The following ABTB2 variants were observed in gnomAD, a reference collection of about 807,000 sequenced individuals.
The protein encoded by ABTB2 is ankyrin repeat and BTB/POZ domain-containing protein 2.
Under a neutral mutation model 104.1 loss-of-function variants are expected in ABTB2, and 56 were observed. The observed-to-expected ratio is 0.54, with a 90% CI of 0.43 to 0.67. The LOEUF is 0.67. Among genes scored for constraint, ABTB2 ranks in the 30% least tolerant of loss-of-function variants. ABTB2 has a pLI of 0.00. For missense variants in ABTB2, 1,279 were observed against 1,407.7 expected (o/e 0.91, Z 1.46); for synonymous variants, 606 against 608.2 (o/e 1.00, Z 0.05).
In ABTB2 at chr11:34,195,745, G is replaced by A. The variant is rs116626484; in HGVS notation, c.1244+1580C>T. Among the ~76,000 whole-genome samples, 586 of 152,290 alleles carry A rather than the reference G, an allele frequency of 3.8e-3. 6 individuals carry two copies. Among genetic ancestry groups the A allele is most frequent in the Admixed American group, 0.024 (367 of 15,300 alleles). The stretch of plus-strand genomic sequence containing the variant: ...TAGTGTGTGAATTAACTGAGCATCC[G>A]CCTGCAAACTGCTCAGCACAGTGCC... On this transcript the variant is annotated intron_variant, in intron 3 of 16. Transcript: ENST00000435224.
Position 34,303,932 on chromosome 11 carries a change from C to T in ABTB2, c.883+52769G>A, listed in dbSNP as rs1007927399. ...TGCTGGGATTACAGGTGTAAGCCACCACGCCTGGCCTCAGCTATGGGTACT... is the reference window on the plus strand; with the variant it reads ...TGCTGGGATTACAGGTGTAAGCCACTACGCCTGGCCTCAGCTATGGGTACT... On this transcript the variant is annotated intron_variant, in intron 1 of 16. Transcript: ENST00000435224. Among the ~76,000 whole-genome samples the T allele has an allele frequency of 5.9e-5, 9 of 151,844 alleles. 1 individual carries two copies. The highest frequency in any genetic ancestry group is 5.9e-4 in the Admixed American group (9 of 15,260).
chr11:34,320,484 T>C (rs1416266551), intron 1 of ABTB2, among the ~76,000 whole-genome samples: 1 of 152,192 alleles, frequency 6.6e-6, no homozygotes, highest in African/African-American at 2.4e-5. Context: ...ACCATTTCAA[T>C]GCCTCCACAG....
chr11:34,282,174 A>T (rs931374483), intron 1 of ABTB2, among the ~76,000 whole-genome samples: 11 of 152,200 alleles, frequency 7.2e-5, no homozygotes, highest in Admixed American at 2.0e-4. Context: ...GAGCCGAAGC[A>T]GCTCTCTGGG....
At chr11:34,338,812 C>T (rs1026899227) in intron 1 of ABTB2, among the ~76,000 whole-genome samples, 2 of 152,142 alleles carry the variant, frequency 1.3e-5, no homozygotes, top group African/African-American at 2.4e-5. Context: ...TTATTTATTA[C>T]TATTACTTTT....
chr11:34,204,959 T>C (rs763871290), intron 1 of ABTB2, among the ~76,000 whole-genome samples: 31 of 152,226 alleles, frequency 2.0e-4, no homozygotes, highest in Non-Finnish European at 3.5e-4. Flanking sequence ...ACTGGCCTTC[T>C]TGGGCTCCTG....
chr11:34,181,156 G>T (rs1853020709), intron 3 of ABTB2, among the ~76,000 whole-genome samples: 1 of 152,184 alleles, frequency 6.6e-6, no homozygotes, highest in South Asian at 2.1e-4. Flanking sequence ...GCCTGCCTCG[G>T]CCTCCCAAAG....
At chr11:34,192,149 C>G (rs1590212269) in intron 3 of ABTB2, among the ~76,000 whole-genome samples, 1 of 152,132 alleles carries the variant, frequency 6.6e-6, no homozygotes, top group Non-Finnish European at 1.5e-5. Context: ...AAAAGTTAGC[C>G]AGGTGTGGTG....
At chr11:34,279,563 C>T (rs951290739) in intron 1 of ABTB2, among the ~76,000 whole-genome samples, 1 of 152,130 alleles carries the variant, frequency 6.6e-6, no homozygotes, top group Non-Finnish European at 1.5e-5. Context: ...CCTGAGCTTC[C>T]CCAACCTATC....
At chr11:34,275,846 C>A (rs968494412) in intron 1 of ABTB2, among the ~76,000 whole-genome samples, 2 of 152,158 alleles carry the variant, frequency 1.3e-5, no homozygotes, top group Non-Finnish European at 2.9e-5. Context: ...AGCACTTATA[C>A]CATTCTCATT....
At chr11:34,302,577 G>A (rs774893409) in intron 1 of ABTB2, among the ~76,000 whole-genome samples, 1 of 152,196 alleles carries the variant, frequency 6.6e-6, no homozygotes, top group Admixed American at 6.5e-5. Context: ...GTTGACCTGG[G>A]CCTGCTATTT....
intron 1 of ABTB2, among the ~76,000 whole-genome samples, chr11:34,240,119 AT>A (rs896594481): frequency 6.6e-6 from 1 of 152,096 alleles, no homozygotes; most frequent in African/African-American, 2.4e-5. Flanking sequence ...ATTATAGCCC[AT>A]TTTTTTCCCC....
At chr11:34,267,970 GC>G (rs1274579649) in intron 1 of ABTB2, among the ~76,000 whole-genome samples, 1 of 152,132 alleles carries the variant, frequency 6.6e-6, no homozygotes, top group Non-Finnish European at 1.5e-5. Context: ...TGGCTCTGTT[GC>G]CCAGGCTGGA....
chr11:34,301,903 C>T (rs183281038), intron 1 of ABTB2, among the ~76,000 whole-genome samples: 429 of 152,318 alleles, frequency 2.8e-3, no homozygotes, highest in Non-Finnish European at 4.4e-3. Flanking sequence ...AAAAGGATCG[C>T]TTGTGCCCAG....
chr11:34,308,725 C>T (rs1854808374), intron 1 of ABTB2, among the ~76,000 whole-genome samples: 1 of 151,800 alleles, frequency 6.6e-6, no homozygotes, highest in African/African-American at 2.4e-5. Flanking sequence ...CAAAAATTAG[C>T]TGGGCGTGGG....
At chr11:34,157,559 C>A (rs1173530724) in intron 14 of ABTB2, among the ~76,000 whole-genome samples, 2 of 152,222 alleles carry the variant, frequency 1.3e-5, no homozygotes, top group African/African-American at 4.8e-5. Flanking sequence ...CCTGCCTGAT[C>A]TGAGCATGAC....
At chr11:34,290,910 T>C (rs935348663) in intron 1 of ABTB2, among the ~76,000 whole-genome samples, 1 of 152,218 alleles carries the variant, frequency 6.6e-6, no homozygotes, top group Non-Finnish European at 1.5e-5. Flanking sequence ...AGTTATAAAT[T>C]TTTTTCCCAA....
At chr11:34,323,367 G>A (rs954302649) in intron 1 of ABTB2, among the ~76,000 whole-genome samples, 4 of 152,108 alleles carry the variant, frequency 2.6e-5, no homozygotes, top group African/African-American at 9.7e-5. Context: ...GATATACAGA[G>A]GTTATTACGT....
intron 1 of ABTB2, among the ~76,000 whole-genome samples, chr11:34,248,096 TAAAAAAAAAAAAAAAAAAAAA>T (rs1157412906): frequency 1.7e-5 from 2 of 116,254 alleles, no homozygotes; most frequent in South Asian, 2.9e-4. Flanking sequence ...TAATTTTTCT[TAAAAAAAAAAAAAAAAAAAAA>T]AAAAACAGGG....
chr11:34,255,582 G>A (rs564265655), intron 1 of ABTB2, among the ~76,000 whole-genome samples: 135 of 152,022 alleles, frequency 8.9e-4, no homozygotes, highest in African/African-American at 3.1e-3. Flanking sequence ...AACCTCAAGC[G>A]ATTTCAACTT....
Sources: allele counts gnomAD v4.1 joint callset (sites outside exome capture counted in the v4.1 genomes callset), GRCh38; gene constraint gnomAD v4.1.1; transcripts MANE v1.5; gene names NCBI Gene and HGNC (gene_info 2026-07-23, HGNC 2026-07-21).